The following SPICE1 variants were observed in gnomAD, a reference collection of about 807,000 sequenced individuals.
SPICE1 encodes the protein spindle and centriole associated protein 1, also known as spindle and centriole-associated protein 1.
Under a neutral mutation model 102.7 loss-of-function variants are expected in SPICE1, and 75 were observed. The ratio of observed to expected loss-of-function variants is 0.73; its 90% CI spans 0.61 to 0.88. The LOEUF (loss-of-function observed/expected upper bound fraction) is 0.88, where lower values mean the gene tolerates loss of function less well. Ranked by LOEUF, SPICE1 falls within the 40% of genes least tolerant of loss-of-function variation. The probability of loss-of-function intolerance (pLI) is 0.00; values close to 1 mark genes in which losing one functional copy is unlikely to be tolerated. For synonymous variants in SPICE1, 308 were observed against 350.3 expected (o/e 0.88, Z 1.35); for missense variants, 979 against 1,020.1 (o/e 0.96, Z 0.55).
intron 3 of SPICE1, among the ~76,000 whole-genome samples, chr3:113,502,563 T>A (rs1937029217): frequency 6.6e-6 from 1 of 150,486 alleles, no homozygotes; most frequent in South Asian, 2.1e-4. Context: ...AATTAGATAG[T>A]GACAATGGTT....
chr3:113,493,029 C>T lies in SPICE1; in HGVS notation c.492+177G>A, dbSNP rs531551634. On this transcript the variant is annotated intron_variant, in intron 6 of 17. Transcript: ENST00000295872. ...CTCAGTAAATTTTAGCTATTATTAT[C>T]CAGTCTTGTTTGATACAAACATTAC... Among the ~76,000 whole-genome samples the T allele has an allele frequency of 4.6e-5, 7 of 152,340 alleles. No homozygotes were observed. In the South Asian group the frequency reaches 1.4e-3, roughly 32 times the overall value.
At chr3:113,480,932 A>AAAGAAAGAAAGAGAAAGAAAGAAAG (rs750705808) in intron 7 of SPICE1, among the ~76,000 whole-genome samples, 8 of 62,626 alleles carry the variant, frequency 1.3e-4, no homozygotes, top group Non-Finnish European at 2.6e-4. Flanking sequence ...AAGAAAGAAA[A>AAAGAAAGAAAGAGAAAGAAAGAAAG]AAGACCTCAG....
intron 1 of SPICE1, among the ~76,000 whole-genome samples, chr3:113,508,223 T>C (rs10934234): frequency 0.18 from 27,539 of 152,072 alleles, 3,262 homozygotes; most frequent in East Asian, 0.43. Context: ...GGTTAAGCAA[T>C]GGTTTCTTAG....
At chr3:113,476,714 G>A (rs1936358839) in intron 7 of SPICE1, among the ~76,000 whole-genome samples, 1 of 151,016 alleles carries the variant, frequency 6.6e-6, no homozygotes, top group Non-Finnish European at 1.5e-5. Context: ...AATGGTGCTG[G>A]GAAAACTGGC....
intron 7 of SPICE1, among the ~76,000 whole-genome samples, chr3:113,474,680 G>C (rs1235033069): frequency 2.0e-5 from 3 of 152,156 alleles, no homozygotes; most frequent in Non-Finnish European, 4.4e-5. Context: ...ACCTGCTCCT[G>C]AATGACTACT....
At chr3:113,505,903 C>A (rs571087173) in intron 2 of SPICE1, among the ~76,000 whole-genome samples, 1 of 151,272 alleles carries the variant, frequency 6.6e-6, no homozygotes, top group South Asian at 2.1e-4. Flanking sequence ...ATGACCCTGT[C>A]TCTTAAAAAA....
chr3:113,475,561 C>A (rs1198462332), intron 7 of SPICE1, among the ~76,000 whole-genome samples: 1 of 152,054 alleles, frequency 6.6e-6, no homozygotes, highest in African/African-American at 2.4e-5. Flanking sequence ...CCGAATCCAG[C>A]AGCACATCAA....
At chr3:113,512,553 C>T (rs983947885) in intron 1 of SPICE1, among the ~76,000 whole-genome samples, 5 of 151,926 alleles carry the variant, frequency 3.3e-5, no homozygotes, top group African/African-American at 9.7e-5. Context: ...GGATTACAGG[C>T]GCTTGCCACC....
Position 113,514,713 on chromosome 3 carries a change from G to A in SPICE1, c.-1+184C>T, listed in dbSNP as rs113258305. Reference sequence around the variant, plus strand: ...ATCCATCGATTTAAATGACGCTCCCGGTCCCAAAGCACCCTGGATAGTTTG... The same window carrying A: ...ATCCATCGATTTAAATGACGCTCCCAGTCCCAAAGCACCCTGGATAGTTTG... On this transcript the variant is annotated intron_variant, in intron 1 of 17. Coordinates refer to ENST00000295872, the MANE Select transcript of SPICE1 (RefSeq NM_144718.4). The A allele has an allele frequency of 1.5e-3, 1,874 of 1,224,124 alleles. 24 individuals carry two copies. The African/African-American group carries it at 0.025, about 16-fold the overall frequency. 75.8% of individuals were successfully genotyped at this position (1,224,124 alleles called of 1,614,324 possible). A position where few individuals can be genotyped will look rare whatever the true frequency, so the allele number is the denominator to read the frequency against.
intron 4 of SPICE1, among the ~76,000 whole-genome samples, chr3:113,498,198 C>T (rs1936938095): frequency 6.6e-6 from 1 of 152,084 alleles, no homozygotes; most frequent in South Asian, 2.1e-4. Context: ...TTTAATGGAG[C>T]TTCTTGACCC....
chr3:113,468,846 C>T lies in SPICE1; in HGVS notation c.805G>A (p.Glu269Lys). Residue 269 changes from glutamate to lysine, a missense_variant, in exon 9 of 18, where the codon GAA becomes AAA. Transcript: ENST00000295872. ...VKRLQTRLQP[E>K]ESTETLDSSY... ...GAGTCTAGAGTCTCAGTAGATTCTT[C>T]AGGCTGAAGCCTGGTTTGGAGTCTC... 2 of 1,614,150 alleles carry T rather than the reference C, an allele frequency of 1.2e-6. No individual in the cohort carries two copies. Among genetic ancestry groups the T allele is most frequent in the Non-Finnish European group, 1.7e-6 (2 of 1,180,010 alleles).
At chr3:113,498,024 CCG>C (rs1311782121) in intron 4 of SPICE1, among the ~76,000 whole-genome samples, 2 of 151,998 alleles carry the variant, frequency 1.3e-5, no homozygotes, top group African/African-American at 4.8e-5. Context: ...TTACAGGCAC[CCG>C]CCATCATGCT....
In SPICE1 at chr3:113,503,179, C is replaced by T. The variant is rs1937041417; in HGVS notation, c.147+1G>A. 1 of 1,606,638 alleles carries T rather than the reference C, an allele frequency of 6.2e-7. No individual in the cohort carries two copies. The highest frequency in any genetic ancestry group is 8.5e-7 in the Non-Finnish European group (1 of 1,177,410). On this transcript the variant is annotated splice_donor_variant, in intron 3 of 17. Transcript: ENST00000295872. LOFTEE classifies it high-confidence loss of function. Reference sequence around the variant, plus strand: ...GACTTAAGTTTTGATATTAAACTCACCAGATCTTCGGGAGTTGCCCGATGA... The same window carrying T: ...GACTTAAGTTTTGATATTAAACTCATCAGATCTTCGGGAGTTGCCCGATGA...
intron 7 of SPICE1, among the ~76,000 whole-genome samples, chr3:113,472,938 ATGACTT>A (rs1461997783): frequency 6.6e-6 from 1 of 152,242 alleles, no homozygotes; most frequent in East Asian, 1.9e-4. Context: ...TGGAAAGAAA[ATGACTT>A]TGACGAGTTG....
At chr3:113,450,599 CAG>C (rs1935627701) in intron 14 of SPICE1, 83 bp from the exon 15 acceptor site, 9 of 1,270,672 alleles carry the variant, frequency 7.1e-6, no homozygotes, top group Non-Finnish European at 8.5e-6. Flanking sequence ...TTTTTTTAGG[CAG>C]AGTCTCACTC....
chr3:113,450,322 A>G lies in SPICE1; in HGVS notation c.2323+14T>C. 3.7e-6 allele frequency: 6 copies of G among 1,613,750 alleles called. No individual in the cohort carries two copies. The highest frequency in any genetic ancestry group is 4.2e-6 in the Non-Finnish European group (5 of 1,179,760). On this transcript the variant is annotated intron_variant, in intron 15 of 17. Transcript: ENST00000295872. ...TCATATTTCTAGTTTTTAAATCATG[A>G]ATTTGTGACCAACCAGTCCATGCTC...
intron 7 of SPICE1, among the ~76,000 whole-genome samples, chr3:113,480,960 T>C (rs879945535): frequency 1.9e-4 from 14 of 74,108 alleles, no homozygotes; most frequent in Non-Finnish European, 3.7e-4. Context: ...GCCAATACCT[T>C]ACTTAAGAGG....
At chr3:113,468,079 G>C in intron 10 of SPICE1, 60 bp downstream of exon 10, 1 of 1,554,146 alleles carries the variant, frequency 6.4e-7, no homozygotes, top group Non-Finnish European at 8.7e-7. Context: ...TAAATGGAAA[G>C]GAAAAAAAAC....
chr3:113,491,549 C>T (rs1306864320), intron 6 of SPICE1, among the ~76,000 whole-genome samples: 1 of 144,192 alleles, frequency 6.9e-6, no homozygotes, highest in Non-Finnish European at 1.5e-5. Flanking sequence ...GGCGTGAATC[C>T]GGGAGGCACA....
Sources: allele counts gnomAD v4.1 joint callset (sites outside exome capture counted in the v4.1 genomes callset), GRCh38; gene constraint gnomAD v4.1.1; transcripts MANE v1.5; gene names NCBI Gene and HGNC (gene_info 2026-07-23, HGNC 2026-07-21).